The following DNAH6 variants were observed in gnomAD, a reference collection of about 807,000 sequenced individuals.
The protein encoded by DNAH6 is dynein axonemal heavy chain 6, also known as axonemal beta dynein heavy chain 6.
DNAH6 carries 340 observed loss-of-function variants against 491.4 expected under a neutral mutation model. The ratio of observed to expected loss-of-function variants is 0.69; its 90% CI spans 0.63 to 0.76. DNAH6 has a LOEUF of 0.76. Among genes scored for constraint, DNAH6 ranks in the 30% least tolerant of loss-of-function variants. The pLI, the probability that DNAH6 is intolerant of heterozygous loss-of-function variation, is 0.00. For synonymous variants in DNAH6, 1,603 were observed against 1,686.1 expected (o/e 0.95, Z 1.21); for missense variants, 4,443 against 4,972.2 (o/e 0.89, Z 3.20).
intron 22 of DNAH6, 99 bp downstream of exon 22, chr2:84,611,953 A>C: frequency 9.6e-7 from 1 of 1,047,082 alleles, no homozygotes; most frequent in Non-Finnish European, 1.4e-6. Flanking sequence ...ATCTAATAAC[A>C]TATGGTCCAT....
intron 15 of DNAH6, among the ~76,000 whole-genome samples, chr2:84,588,111 T>A (rs1041434237): frequency 6.6e-6 from 1 of 152,204 alleles, no homozygotes; most frequent in Non-Finnish European, 1.5e-5. Flanking sequence ...CTGCATATCA[T>A]GCCAAGTCAC....
chr2:84,721,008 C>CA (rs1241860488), intron 59 of DNAH6, among the ~76,000 whole-genome samples: 2 of 152,186 alleles, frequency 1.3e-5, no homozygotes, highest in Non-Finnish European at 2.9e-5. Context: ...AGAATCCTTA[C>CA]ATAAAAATAT....
chr2:84,680,774 G>A (rs750601674), intron 41 of DNAH6, among the ~76,000 whole-genome samples: 37 of 151,992 alleles, frequency 2.4e-4, no homozygotes, highest in Non-Finnish European at 4.9e-4. Flanking sequence ...GGTGATGTCC[G>A]GGGAAACAGA....
chr2:84,470,974 C>A, the DNAH6 span, among the ~76,000 whole-genome samples: 1 of 152,068 alleles, frequency 6.6e-6, no homozygotes, highest in East Asian at 1.9e-4. Context: ...AAAGGGCAGG[C>A]ACATGATCTA....
chr2:84,526,902 T>G lies in DNAH6; in HGVS notation c.399+1164T>G, dbSNP rs79244353. Among the ~76,000 whole-genome samples the G allele has an allele frequency of 3.3e-3, 499 of 152,200 alleles. 4 individuals are homozygous for G. The highest frequency in any genetic ancestry group is 0.011 in the African/African-American group (462 of 41,524). On this transcript the variant is annotated intron_variant, in intron 3 of 76. Transcript: ENST00000389394. ...TGAATTTAAAGAAAAGGAGAGAACGTGTATAGACATCTGGGATAAAAGTGG... is the reference window on the plus strand; with the variant it reads ...TGAATTTAAAGAAAAGGAGAGAACGGGTATAGACATCTGGGATAAAAGTGG...
In DNAH6 at chr2:84,815,781, G is replaced by A. The variant is rs1470643842; in HGVS notation, c.12151-80G>A. 1.6e-5 allele frequency: 15 copies of A among 957,746 alleles called. No homozygotes were observed. The African/African-American group carries it at 2.0e-4, about 13-fold the overall frequency. The allele number at this position is 957,746 out of a possible 1,614,324, so 59.3% of individuals were successfully genotyped here. A position where few individuals can be genotyped will look rare whatever the true frequency, so the allele number is the denominator to read the frequency against. On this transcript the variant is annotated intron_variant, in intron 75 of 76. Coordinates refer to ENST00000389394, the MANE Select transcript of DNAH6 (RefSeq NM_001370.2). The stretch of plus-strand genomic sequence containing the variant: ...GTGTTTTTTAGAATTACCTGGTGAG[G>A]ATGTGGGACATAGGAAGTGGCTCAC...
intron 63 of DNAH6, among the ~76,000 whole-genome samples, chr2:84,757,345 G>A (rs1169010679): frequency 6.6e-6 from 1 of 152,194 alleles, no homozygotes; most frequent in Non-Finnish European, 1.5e-5. Context: ...CACTGCAAGT[G>A]CACTGCAGGA....
chr2:84,599,065 T>A (rs1412391203), intron 18 of DNAH6, among the ~76,000 whole-genome samples: 3 of 152,014 alleles, frequency 2.0e-5, no homozygotes, highest in Admixed American at 2.0e-4. Flanking sequence ...TAATTTGCAT[T>A]TTTCTAAATA....
intron 16 of DNAH6, among the ~76,000 whole-genome samples, chr2:84,590,186 A>C (rs547390106): frequency 6.6e-6 from 1 of 152,154 alleles, no homozygotes; most frequent in South Asian, 2.1e-4. Flanking sequence ...GTATGGAGGA[A>C]ATACTACTTG....
intron 64 of DNAH6, among the ~76,000 whole-genome samples, chr2:84,776,760 T>C (rs1291873139): frequency 6.6e-6 from 1 of 152,194 alleles, no homozygotes; most frequent in Non-Finnish European, 1.5e-5. Context: ...ACCCAAAGGA[T>C]TATAAATCAT....
Position 84,653,838 on chromosome 2 carries a change from G to A in DNAH6, c.5598G>A (p.Arg1866=), listed in dbSNP as rs1286535336. 1.9e-6 allele frequency: 3 copies of A among 1,550,722 alleles called. No individual in the cohort carries two copies. The highest frequency in any genetic ancestry group is 4.9e-5 in the East Asian group (2 of 40,906). The change falls in exon 34 of 77, where the codon AGG becomes AGA. Residue 1866 remains arginine (R), a synonymous_variant. Coordinates refer to ENST00000389394, the MANE Select transcript of DNAH6 (RefSeq NM_001370.2). ...NKMLCLANSE[R]IKLTPQIHML... ...TGCTTTGCCTGGCTAACAGTGAGAG[G>A]ATTAAACTCACACCTCAAATTCACA...
intron 33 of DNAH6, among the ~76,000 whole-genome samples, chr2:84,651,250 A>G (rs999252735): frequency 1.3e-5 from 2 of 152,170 alleles, no homozygotes; most frequent in African/African-American, 2.4e-5. Flanking sequence ...ATTCTTGGGT[A>G]GGGCTGGAAG....
chr2:84,594,211 T>C (rs1394575481), intron 17 of DNAH6, 126 bp downstream of exon 17: 3 of 472,324 alleles, frequency 6.4e-6, no homozygotes, highest in Admixed American at 8.9e-5. Flanking sequence ...TATGCAATGG[T>C]ATCATTTTCT....
intron 59 of DNAH6, 104 bp from the exon 60 acceptor site, chr2:84,722,521 A>G: frequency 1.0e-6 from 1 of 991,912 alleles, no homozygotes; most frequent in Non-Finnish European, 1.4e-6. Flanking sequence ...TCACCAACTC[A>G]TTCTATCCTT....
chr2:84,563,361 A>C (rs1385913253), intron 11 of DNAH6, among the ~76,000 whole-genome samples: 1 of 152,168 alleles, frequency 6.6e-6, no homozygotes, highest in Non-Finnish European at 1.5e-5. Flanking sequence ...GTGTATAAGC[A>C]TTCCCTTTTC....
At chr2:84,571,633 T>C (rs1174029810) in intron 11 of DNAH6, among the ~76,000 whole-genome samples, 1 of 151,670 alleles carries the variant, frequency 6.6e-6, no homozygotes, top group Non-Finnish European at 1.5e-5. Flanking sequence ...AAGAAAACCA[T>C]CCAGGCGCAG....
chr2:84,563,324 A>G (rs1336948006), intron 11 of DNAH6, among the ~76,000 whole-genome samples: 1 of 152,186 alleles, frequency 6.6e-6, no homozygotes, highest in Admixed American at 6.5e-5. Context: ...TCTATAGTGG[A>G]TGAACTAATT....
chr2:84,649,684 G>A (rs558607294), intron 33 of DNAH6, among the ~76,000 whole-genome samples: 1 of 152,022 alleles, frequency 6.6e-6, no homozygotes, highest in Non-Finnish European at 1.5e-5. Flanking sequence ...GGATGAAGCT[G>A]GACACCATTA....
chr2:84,673,971 G>C (rs1364717660), intron 40 of DNAH6, among the ~76,000 whole-genome samples: 1 of 152,170 alleles, frequency 6.6e-6, no homozygotes, highest in Non-Finnish European at 1.5e-5. Flanking sequence ...CACAGGTGGG[G>C]TATAGAGTCA....
Sources: allele counts gnomAD v4.1 joint callset (sites outside exome capture counted in the v4.1 genomes callset), GRCh38; gene constraint gnomAD v4.1.1; transcripts MANE v1.5; gene names NCBI Gene and HGNC (gene_info 2026-07-23, HGNC 2026-07-21).